The following NEK10 variants were observed in gnomAD, a reference collection of about 807,000 sequenced individuals.
NEK10 encodes serine/threonine-protein kinase Nek10.
A neutral mutation model predicts 159.8 loss-of-function variants in NEK10; 122 were observed. That is an observed-to-expected ratio of 0.76 (90% CI 0.66 to 0.89). The LOEUF is 0.89. NEK10 is among the 40% of genes least tolerant of loss of function. NEK10 has a pLI of 0.00. For missense variants in NEK10, 1,342 were observed against 1,323.1 expected, an observed-to-expected ratio of 1.01 and a Z score of -0.22; for synonymous variants, 466 against 457.1, an observed-to-expected ratio of 1.02 and a Z score of -0.25.
intron 23 of NEK10, among the ~76,000 whole-genome samples, chr3:27,246,523 T>C (rs1304760168): frequency 2.0e-5 from 3 of 152,132 alleles, no homozygotes; most frequent in African/African-American, 7.2e-5. Context: ...AAATAGGATA[T>C]CCATCACTTC....
chr3:27,341,114 T>C (rs1448935473), intron 5 of NEK10, among the ~76,000 whole-genome samples: 1 of 152,116 alleles, frequency 6.6e-6, no homozygotes, highest in African/African-American at 2.4e-5. Flanking sequence ...ACAAATATTA[T>C]GTGGTCTCAC....
At chr3:27,280,505 C>A (rs529530822) in intron 22 of NEK10, among the ~76,000 whole-genome samples, 22 of 152,204 alleles carry the variant, frequency 1.4e-4, no homozygotes, top group Admixed American at 3.3e-4. Context: ...TAGAATTCGA[C>A]GAAAATTTAT....
intron 25 of NEK10, among the ~76,000 whole-genome samples, chr3:27,201,270 C>A (rs1950018627): frequency 6.6e-6 from 1 of 152,092 alleles, no homozygotes; most frequent in Admixed American, 6.6e-5. Context: ...CAGGTTGTTA[C>A]AAACCCTTCC....
rs4973858 is a variant in NEK10, at chr3:27,108,330, C to T, written c.*2942G>A. Among the ~76,000 whole-genome samples, 150,539 of 152,330 alleles carry T rather than the reference C, an allele frequency of 0.99. 74,385 individuals carry two copies. The highest frequency in any genetic ancestry group is 1 in the East Asian group (5,180 of 5,180). ...AAGCAGTGGGTCCAAGTGTCCACGTCACTATTCCCTTGAAGACTCCATTTG... is the reference window on the plus strand; with the variant it reads ...AAGCAGTGGGTCCAAGTGTCCACGTTACTATTCCCTTGAAGACTCCATTTG... On this transcript the variant is annotated 3_prime_UTR_variant, in exon 36 of 36. Coordinates refer to ENST00000691995, the MANE Select transcript of NEK10 (RefSeq NM_001394966.1).
chr3:27,252,567 C>T (rs1955774606), intron 23 of NEK10, among the ~76,000 whole-genome samples: 1 of 152,308 alleles, frequency 6.6e-6, no homozygotes, highest in East Asian at 1.9e-4. Context: ...CTTAGGACTG[C>T]TGGGGATTGT....
At chr3:27,149,927 C>T (rs1944667018) in intron 30 of NEK10, among the ~76,000 whole-genome samples, 1 of 152,152 alleles carries the variant, frequency 6.6e-6, no homozygotes, top group South Asian at 2.1e-4. Flanking sequence ...ATTAGAAGTG[C>T]TACAACAGTG....
intron 35 of NEK10, 42 bp from the exon 36 acceptor site, chr3:27,111,362 A>T (rs555906362): frequency 1.4e-6 from 2 of 1,476,184 alleles, no homozygotes; most frequent in South Asian, 2.6e-5. Flanking sequence ...ATAGTTACAA[A>T]TATTTTAGTT....
chr3:27,335,240 TG>T (rs940990675), intron 5 of NEK10, among the ~76,000 whole-genome samples: 7 of 151,282 alleles, frequency 4.6e-5, no homozygotes, highest in Admixed American at 2.0e-4. Flanking sequence ...CTTGGGAGGC[TG>T]AAGCAGGAGA....
At position 27,256,383 on chromosome 3, in the gene NEK10, A is replaced by C; in HGVS notation, c.2015-12T>G. 3 of 1,535,376 alleles carry C rather than the reference A, an allele frequency of 2.0e-6. No homozygotes were observed. The highest frequency in any genetic ancestry group is 1.2e-5 in the South Asian group (1 of 81,284). ...CAGGCCAAAGTCAGCTACAATTCACAAAACAACGCAATATGTTACTATATT... is the reference window on the plus strand; with the variant it reads ...CAGGCCAAAGTCAGCTACAATTCACCAAACAACGCAATATGTTACTATATT... On this transcript the variant is annotated splice_polypyrimidine_tract_variant and intron_variant, in intron 22 of 35. Coordinates refer to ENST00000691995, the MANE Select transcript of NEK10 (RefSeq NM_001394966.1).
intron 30 of NEK10, among the ~76,000 whole-genome samples, chr3:27,152,386 C>G (rs564204829): frequency 6.6e-6 from 1 of 152,242 alleles, no homozygotes; most frequent in South Asian, 2.1e-4. Context: ...TTGTATCCAA[C>G]AAAACTAAGC....
chr3:27,137,442 GAATAGTT>G (rs1260119857), intron 31 of NEK10, among the ~76,000 whole-genome samples: 1 of 152,112 alleles, frequency 6.6e-6, no homozygotes, highest in African/African-American at 2.4e-5. Flanking sequence ...TCTCTCAATT[GAATAGTT>G]AATAGTTAAG....
Position 27,277,960 on chromosome 3 carries a change from G to C in NEK10, c.2014+6642C>G, listed in dbSNP as rs2041887896. Among the ~76,000 whole-genome samples the C allele has an allele frequency of 4.6e-5, 7 of 152,290 alleles. 1 individual carries two copies. The South Asian group carries it at 1.5e-3, about 32-fold the overall frequency. On this transcript the variant is annotated intron_variant, in intron 22 of 35. Coordinates refer to ENST00000691995, the MANE Select transcript of NEK10 (RefSeq NM_001394966.1). ...ACATAATGGACATGTAGCATTAGCA[G>C]GATAGGAGTCTTGTTAAGTCAGAGG...
chr3:27,314,413 TTTAC>T, intron 6 of NEK10, 75 bp from the exon 7 acceptor site: 1 of 852,062 alleles, frequency 1.2e-6, no homozygotes, highest in Non-Finnish European at 2.0e-6. Flanking sequence ...ATGCAATTTC[TTTAC>T]TAAGTTGTCA....
chr3:27,332,150 G>A (rs2046464997), intron 5 of NEK10, among the ~76,000 whole-genome samples: 1 of 152,134 alleles, frequency 6.6e-6, no homozygotes, highest in Admixed American at 6.5e-5. Context: ...TAAAGAGCAG[G>A]AGGAAAGATT....
Position 27,304,989 on chromosome 3 carries a change from G to A in NEK10, c.804-18C>T, listed in dbSNP as rs772021210. On this transcript the variant is annotated intron_variant, in intron 11 of 35. Transcript: ENST00000691995. Reference sequence around the variant, plus strand: ...CTGTTAGTCTGAAAGGGGTACAGAGGGTGGGGTGAGAATCACAGCATCATG... The same window carrying A: ...CTGTTAGTCTGAAAGGGGTACAGAGAGTGGGGTGAGAATCACAGCATCATG... 6.7e-7 allele frequency: 1 copy of A among 1,496,586 alleles called. No homozygotes were observed. The highest frequency in any genetic ancestry group is 9.3e-7 in the Non-Finnish European group (1 of 1,077,760). 92.7% of individuals were successfully genotyped at this position (1,496,586 alleles called of 1,614,324 possible). A position where few individuals can be genotyped will look rare whatever the true frequency, so the allele number is the denominator to read the frequency against.
At chr3:27,352,308 C>T (rs1575883575) in intron 3 of NEK10, among the ~76,000 whole-genome samples, 157 bp downstream of exon 3, 1 of 152,038 alleles carries the variant, frequency 6.6e-6, no homozygotes, top group African/African-American at 2.4e-5. Context: ...AAAGCCTGAA[C>T]CAGGTGTCAG....
At position 27,337,038 on chromosome 3, in the gene NEK10, A is replaced by G. The variant is rs966563544; in HGVS notation, c.362+7234T>C. ...AAGGCATACACATTTGGCGGGGGGGAAAGGAAGATGTACCTCTTTGCAGAT... is the reference window on the plus strand; with the variant it reads ...AAGGCATACACATTTGGCGGGGGGGGAAGGAAGATGTACCTCTTTGCAGAT... On this transcript the variant is annotated intron_variant, in intron 5 of 35. Transcript: ENST00000691995. Among the ~76,000 whole-genome samples, 22 of 151,026 alleles carry G rather than the reference A, an allele frequency of 1.5e-4. No individual in the cohort carries two copies. The East Asian group carries it at 2.1e-3, about 15-fold the overall frequency.
intron 19 of NEK10, among the ~76,000 whole-genome samples, chr3:27,288,167 T>G (rs750035542): frequency 7.9e-5 from 12 of 152,220 alleles, no homozygotes; most frequent in South Asian, 2.1e-4. Flanking sequence ...ACCATCTAAA[T>G]ATTTATGGAA....
chr3:27,147,083 G>A (rs1944367786), intron 30 of NEK10, among the ~76,000 whole-genome samples: 1 of 152,156 alleles, frequency 6.6e-6, no homozygotes, highest in Non-Finnish European at 1.5e-5. Context: ...ATTGCAATAT[G>A]GTTTTCAGAA....
Sources: allele counts gnomAD v4.1 joint callset (sites outside exome capture counted in the v4.1 genomes callset), GRCh38; gene constraint gnomAD v4.1.1; transcripts MANE v1.5; gene names NCBI Gene and HGNC (gene_info 2026-07-23, HGNC 2026-07-21).